The following ATP10D variants were observed in gnomAD, a reference collection of about 807,000 sequenced individuals.
ATP10D encodes ATPase phospholipid transporting 10D (putative), also known as phospholipid-transporting ATPase VD.
ATP10D carries 89 observed loss-of-function variants against 144.8 expected under a neutral mutation model. The observed-to-expected ratio is 0.61, with a 90% CI of 0.52 to 0.73. The LOEUF (loss-of-function observed/expected upper bound fraction) is 0.73, where lower values mean the gene tolerates loss of function less well. Ranked by LOEUF, ATP10D falls within the 30% of genes least tolerant of loss-of-function variation. ATP10D has a pLI of 0.00. For missense variants in ATP10D, 1,603 were observed against 1,714.8 expected, an observed-to-expected ratio of 0.93 and a Z score of 1.15; for synonymous variants, 571 against 615.1, an observed-to-expected ratio of 0.93 and a Z score of 1.06.
chr4:47,568,431 C>G (rs899563162), intron 15 of ATP10D, among the ~76,000 whole-genome samples: 1 of 152,174 alleles, frequency 6.6e-6, no homozygotes. Context: ...GCTTAATCCT[C>G]ACAACAAGAT....
intron 3 of ATP10D, 53 bp downstream of exon 3, chr4:47,515,723 T>C (rs755207032): frequency 2.9e-6 from 4 of 1,392,070 alleles, no homozygotes; most frequent in Non-Finnish European, 4.0e-6. Context: ...TTGAGAAATA[T>C]GCAGAATGTT....
chr4:47,493,177 A>G (rs1239782629), intron 1 of ATP10D, among the ~76,000 whole-genome samples: 1 of 152,214 alleles, frequency 6.6e-6, no homozygotes, highest in African/African-American at 2.4e-5. Flanking sequence ...GTATATAAGA[A>G]AAGTAGTTTC....
At chr4:47,580,353 CCCTTGTTA>C in intron 19 of ATP10D, 37 bp from the exon 20 acceptor site, 1 of 1,435,950 alleles carries the variant, frequency 7.0e-7, no homozygotes, top group Non-Finnish European at 9.8e-7. Context: ...TTTTCTTGGA[CCCTTGTTA>C]ATCTTACTAC....
At position 47,512,758 on chromosome 4, in the gene ATP10D, A is replaced by G. The variant is rs1297133400; in HGVS notation, c.218A>G (p.Asn73Ser). Reference sequence around the variant, plus strand: ...GAGAAGTTCTCCGGAGCCTATGTGAACAATCGAATACGAACAACAAAGTAC... The same window carrying G: ...GAGAAGTTCTCCGGAGCCTATGTGAGCAATCGAATACGAACAACAAAGTAC... ...EYEKFSGAYVNNRIRTTKYTL... is the reference protein window; with the variant it reads ...EYEKFSGAYVSNRIRTTKYTL... The change falls in exon 2 of 23, where the codon AAC (asparagine) becomes AGC (serine). Residue 73 changes from asparagine (N) to serine (S), a missense_variant. By Grantham distance (46) the Asn-to-Ser change is conservative. Coordinates refer to ENST00000273859, the MANE Select transcript of ATP10D (RefSeq NM_020453.4). 12 of 1,613,994 alleles carry G rather than the reference A, an allele frequency of 7.4e-6. No homozygotes were observed. Among genetic ancestry groups the G allele is most frequent in the African/African-American group, 1.3e-5 (1 of 74,948 alleles).
chr4:47,567,170 A>G (rs753927918), intron 15 of ATP10D, among the ~76,000 whole-genome samples: 10 of 152,230 alleles, frequency 6.6e-5, no homozygotes, highest in Non-Finnish European at 1.2e-4. Flanking sequence ...ATGTCACTCT[A>G]TGACATGTAA....
chr4:47,583,264 C>T (rs1229989667), intron 21 of ATP10D: 3 of 152,312 alleles, frequency 2.0e-5, no homozygotes, highest in South Asian at 4.1e-4. Flanking sequence ...AAGGACAAGA[C>T]TGACACACAG....
chr4:47,500,063 C>A (rs1342287191), intron 1 of ATP10D, among the ~76,000 whole-genome samples: 2 of 152,172 alleles, frequency 1.3e-5, no homozygotes, highest in African/African-American at 4.8e-5. Context: ...ATATTCTAGT[C>A]TTTGCTGCAT....
Position 47,557,932 on chromosome 4 carries a change from A to C in ATP10D, c.2093A>C (p.Gln698Pro). Residue 698 changes from glutamine to proline, a missense_variant, in exon 12 of 23, where the codon CAA becomes CCA. By Grantham distance (76) the Gln-to-Pro change is moderately conservative. Coordinates refer to ENST00000273859, the MANE Select transcript of ATP10D (RefSeq NM_020453.4). ...SSACCTETEK[Q>P]HGDAGLLNGK... ...GCTTGCTGCACAGAAACAGAGAAAC[A>C]ACACGGTGATGCAGGCCTCCTGAAT... 1 of 1,614,216 alleles carries C rather than the reference A, an allele frequency of 6.2e-7. No individual in the cohort carries two copies.
Position 47,563,730 on chromosome 4 carries a change from G to T in ATP10D, c.2818G>T (p.Asp940Tyr). Reference sequence around the variant, plus strand: ...TTATGCATGCAAACTACTGGAGCCAGATGACAAGCTTTTTATCCTCAATAC... The same window carrying T: ...TTATGCATGCAAACTACTGGAGCCATATGACAAGCTTTTTATCCTCAATAC... ...IAYACKLLEP[D>Y]DKLFILNTQS... The change falls in exon 15 of 23, where the codon GAT becomes TAT. Residue 940 changes from aspartate (D) to tyrosine (Y), a missense_variant. Coordinates refer to ENST00000273859, the MANE Select transcript of ATP10D (RefSeq NM_020453.4). 6.2e-7 allele frequency: 1 copy of T among 1,611,128 alleles called. No individual in the cohort carries two copies. Among genetic ancestry groups the T allele is most frequent in the Non-Finnish European group, 8.5e-7 (1 of 1,179,026 alleles).
rs1225860607 is a variant in ATP10D at position 47,557,706 on chromosome 4, G to A, written c.1867G>A (p.Glu623Lys). 3 of 1,613,978 alleles carry A rather than the reference G, an allele frequency of 1.9e-6. No individual in the cohort carries two copies. Among genetic ancestry groups the A allele is most frequent in the Non-Finnish European group, 2.5e-6 (3 of 1,179,862 alleles). ...GGGGGGGTTGCCCATTAAGTCTTTG[G>A]AAGAGATTAAAAGTCTTTTCCAGAG... Reference protein sequence around the residue: ...SLGGLPIKSLEEIKSLFQRWS... With the variant: ...SLGGLPIKSLKEIKSLFQRWS... Residue 623 changes from glutamate (E) to lysine (K), a missense_variant, in exon 12 of 23, where the codon GAA becomes AAA. Glu to Lys is a moderately conservative substitution (Grantham distance 56). Transcript: ENST00000273859.
At chr4:47,534,035 A>G (rs1451692740) in intron 5 of ATP10D, among the ~76,000 whole-genome samples, 1 of 152,112 alleles carries the variant, frequency 6.6e-6, no homozygotes, top group Non-Finnish European at 1.5e-5. Context: ...TAGTTGTCTT[A>G]TTCTAACCAG....
At chr4:47,491,166 A>G (rs955549629) in intron 1 of ATP10D, 9 of 742,050 alleles carry the variant, frequency 1.2e-5, no homozygotes, top group African/African-American at 6.9e-5. Context: ...TATCTCGCCT[A>G]TTAGAGTGCT....
chr4:47,522,789 G>A (rs576102792), intron 3 of ATP10D, among the ~76,000 whole-genome samples: 235 of 152,142 alleles, frequency 1.5e-3, no homozygotes, highest in African/African-American at 5.5e-3. Context: ...GGCTGGTCTG[G>A]AACTCCTGAC....
Position 47,523,210 on chromosome 4 carries a change from A to T in ATP10D, c.684A>T (p.Ala228=), listed in dbSNP as rs1352852086. The T allele has an allele frequency of 6.2e-7, 1 of 1,613,640 alleles. No individual in the cohort carries two copies. Among genetic ancestry groups the T allele is most frequent in the Non-Finnish European group, 8.5e-7 (1 of 1,179,710 alleles). ...LKQRQVVRGY[A]EQDSEVDPEK... ...AGAGGCAGGTGGTTCGGGGATATGC[A>T]GAACAGGTAAGTCATATGTTCTCAG... is the stretch of plus-strand genomic sequence containing the variant. Residue 228 remains alanine (A), a synonymous_variant, in exon 4 of 23, where the codon GCA becomes GCT. Coordinates refer to ENST00000273859, the MANE Select transcript of ATP10D (RefSeq NM_020453.4).
Position 47,581,961 on chromosome 4 carries a change from C to G in ATP10D, c.3650C>G (p.Thr1217Ser). The stretch of plus-strand genomic sequence containing the variant: ...TCATCTAATGTCCTCTCTTTGTAGA[C>G]CTACCAGGGCTCAGATACTGACATC... The part of the protein sequence containing the change: ...SLVCFFVPYF[T>S]YQGSDTDIFA... Residue 1217 changes from threonine to serine, a missense_variant and splice_region_variant, in exon 21 of 23, where the codon ACC becomes AGC. Transcript: ENST00000273859. 6.2e-7 allele frequency: 1 copy of G among 1,612,756 alleles called. No individual in the cohort carries two copies. The highest frequency in any genetic ancestry group is 8.5e-7 in the Non-Finnish European group (1 of 1,178,818).
chr4:47,581,343 A>G (rs1287613229), intron 20 of ATP10D, among the ~76,000 whole-genome samples: 3 of 152,256 alleles, frequency 2.0e-5, no homozygotes, highest in Admixed American at 2.0e-4. Flanking sequence ...CACCTGTTTT[A>G]TCATGGGTGG....
intron 5 of ATP10D, among the ~76,000 whole-genome samples, chr4:47,528,484 TG>T: frequency 8.0e-6 from 1 of 124,244 alleles, no homozygotes; most frequent in East Asian, 2.0e-4. Context: ...TGTGTGTGTG[TG>T]TGTGTGTGTG....
chr4:47,590,976 T>TTG, intron 22 of ATP10D, 66 bp from the exon 23 acceptor site: 1 of 953,990 alleles, frequency 1.0e-6, no homozygotes, highest in East Asian at 3.1e-5. Flanking sequence ...CGTTAGTATT[T>TTG]GGGGGGGGGG....
Position 47,580,424 on chromosome 4 carries a change from C to A in ATP10D, c.3594C>A (p.Ile1198=), listed in dbSNP as rs549016698. 3 of 1,613,734 alleles carry A rather than the reference C, an allele frequency of 1.9e-6. No individual in the cohort carries two copies. The African/African-American group carries it at 4.0e-5, about 22-fold the overall frequency. ...SEAYLPHTFW[I]TLLDAFYQSL... ...CATACTTACCCCATACCTTCTGGAT[C>A]ACCTTATTGGATGCTTTTTATCAAA... The change falls in exon 20 of 23, where the codon ATC becomes ATA. Residue 1198 remains isoleucine, a synonymous_variant. Coordinates refer to ENST00000273859, the MANE Select transcript of ATP10D (RefSeq NM_020453.4).
Sources: gnomAD v4.1 joint callset for allele counts (sites outside exome capture counted in the v4.1 genomes callset) on GRCh38, gnomAD v4.1.1 for gene constraint, MANE v1.5 for transcripts, NCBI Gene and HGNC (gene_info 2026-07-23, HGNC 2026-07-21) for gene names.